Variants in SFMBT2 observed in about 807,000 individuals in gnomAD.
The protein encoded by SFMBT2 is scm-like with four MBT domains protein 2.
A neutral mutation model predicts 110.1 loss-of-function variants in SFMBT2; 38 were observed. The ratio of observed to expected loss-of-function variants is 0.35; its 90% CI spans 0.27 to 0.45. The LOEUF is 0.45. Ranked by LOEUF, SFMBT2 falls within the 20% of genes least tolerant of loss-of-function variation. The pLI is 1.00. For missense variants in SFMBT2, 1,011 were observed against 1,094.9 expected, an observed-to-expected ratio of 0.92 and a Z score of 1.08; for synonymous variants, 425 against 425.4, an observed-to-expected ratio of 1.00 and a Z score of 0.01.
chr10:7,394,001 AT>A (rs199724791), intron 1 of SFMBT2, among the ~76,000 whole-genome samples: 31 of 150,658 alleles, frequency 2.1e-4, no homozygotes, highest in African/African-American at 4.4e-4. Context: ...AAGTATTGTG[AT>A]TTTTTTTTTC....
chr10:7,303,102 C>T (rs1305316804), intron 4 of SFMBT2, among the ~76,000 whole-genome samples: 1 of 152,106 alleles, frequency 6.6e-6, no homozygotes, highest in Non-Finnish European at 1.5e-5. Context: ...AACCAGAATG[C>T]ATTTGGATTA....
intron 4 of SFMBT2, among the ~76,000 whole-genome samples, chr10:7,332,686 C>T (rs1469189452): frequency 6.6e-6 from 1 of 152,112 alleles, no homozygotes; most frequent in African/African-American, 2.4e-5. Context: ...TTCACTAAAA[C>T]CTAAATATTT....
chr10:7,302,494 T>C (rs1020334193), intron 4 of SFMBT2, among the ~76,000 whole-genome samples: 1 of 152,220 alleles, frequency 6.6e-6, no homozygotes, highest in Non-Finnish European at 1.5e-5. Flanking sequence ...CCTTGACCCT[T>C]GGCATAACCC....
chr10:7,160,969 C>T lies in SFMBT2; in HGVS notation c.*2801G>A, dbSNP rs2692759. ...GATGGCACAGAGACAACTTTCATGG[C>T]GACGCCAGGCTGCGCCCTCCTGTGC... On this transcript the variant is annotated 3_prime_UTR_variant, in exon 21 of 21. Coordinates refer to ENST00000397167, the MANE Select transcript of SFMBT2 (RefSeq NM_001387889.1). 8,723 of 152,272 alleles carry T rather than the reference C, an allele frequency of 0.057. 359 individuals carry two copies. The highest frequency in any genetic ancestry group is 0.1 in the East Asian group (531 of 5,154). 9.4% of individuals were successfully genotyped at this position (152,272 alleles called of 1,614,324 possible).
At chr10:7,257,539 A>G (rs1182360575) in intron 7 of SFMBT2, among the ~76,000 whole-genome samples, 1 of 152,208 alleles carries the variant, frequency 6.6e-6, no homozygotes, top group Admixed American at 6.5e-5. Flanking sequence ...TATAAAATAC[A>G]GTATACACGT....
intron 8 of SFMBT2, among the ~76,000 whole-genome samples, chr10:7,247,478 A>C (rs1211311162): frequency 6.6e-6 from 1 of 152,224 alleles, no homozygotes; most frequent in African/African-American, 2.4e-5. Context: ...TGTTCACTAA[A>C]GAAAAAACAT....
chr10:7,257,988 A>G (rs540491819), intron 7 of SFMBT2, among the ~76,000 whole-genome samples: 2 of 152,326 alleles, frequency 1.3e-5, no homozygotes, highest in South Asian at 4.1e-4. Flanking sequence ...CTGAAGTGCA[A>G]TGATGCAATC....
At chr10:7,203,454 C>T (rs939084887) in intron 12 of SFMBT2, 8 of 234,548 alleles carry the variant, frequency 3.4e-5, no homozygotes, top group Non-Finnish European at 5.6e-5. Context: ...AAGAGCCAAG[C>T]ACAACAGACA....
intron 4 of SFMBT2, among the ~76,000 whole-genome samples, chr10:7,320,948 C>A (rs7094711): frequency 0.042 from 6,365 of 152,198 alleles, 223 homozygotes; most frequent in African/African-American, 0.098. Flanking sequence ...TTAAATAAAT[C>A]GTCTAAAAAA....
chr10:7,366,559 A>G (rs894159002), intron 4 of SFMBT2, among the ~76,000 whole-genome samples: 1 of 152,200 alleles, frequency 6.6e-6, no homozygotes, highest in African/African-American at 2.4e-5. Context: ...CAAGATGAAA[A>G]CAGGCAGCTA....
intron 7 of SFMBT2, among the ~76,000 whole-genome samples, chr10:7,262,688 C>T (rs1015819058): frequency 6.6e-6 from 1 of 152,138 alleles, no homozygotes; most frequent in African/African-American, 2.4e-5. Flanking sequence ...GAGCTCAGGC[C>T]CCAGTGATCA....
chr10:7,207,593 A>G, intron 11 of SFMBT2: 1 of 983,692 alleles, frequency 1.0e-6, no homozygotes, highest in East Asian at 1.1e-4. Context: ...GAGCCCCATT[A>G]CCATCCAAGT....
At chr10:7,229,616 A>C (rs1183133664) in intron 9 of SFMBT2, among the ~76,000 whole-genome samples, 1 of 151,496 alleles carries the variant, frequency 6.6e-6, no homozygotes, top group Non-Finnish European at 1.5e-5. Context: ...AAAAGAAAGA[A>C]AGAAACTCAA....
At chr10:7,212,920 G>A (rs1361954914) in intron 11 of SFMBT2, among the ~76,000 whole-genome samples, 5 of 152,194 alleles carry the variant, frequency 3.3e-5, no homozygotes, top group Non-Finnish European at 7.3e-5. Flanking sequence ...ATGAGTTCAT[G>A]TCCTTTGCAG....
At chr10:7,187,307 CACT>C (rs1203687370) in intron 16 of SFMBT2, among the ~76,000 whole-genome samples, 3 of 152,264 alleles carry the variant, frequency 2.0e-5, no homozygotes, top group South Asian at 4.1e-4. Context: ...TTTCTGCCCC[CACT>C]ACTACTACAA....
At chr10:7,225,335 G>T (rs1839868189) in intron 10 of SFMBT2, among the ~76,000 whole-genome samples, 1 of 152,032 alleles carries the variant, frequency 6.6e-6, no homozygotes, top group Admixed American at 6.5e-5. Context: ...ACATCCCTGG[G>T]GAAATGTCTT....
intron 16 of SFMBT2, chr10:7,176,658 G>A (rs181007899): frequency 4.1e-5 from 10 of 245,166 alleles, no homozygotes; most frequent in East Asian, 3.6e-4. Context: ...AAATGGGGAC[G>A]ATTTCCATTA....
At position 7,181,815 on chromosome 10, in the gene SFMBT2, T is replaced by C. The variant is rs77479948; in HGVS notation, c.1809-5650A>G. ...CAAAGGCATGCTGAACATACGAAGA[T>C]ACAGCCCTATTAAAAAAAAAGGAGA... is the stretch of plus-strand genomic sequence containing the variant. On this transcript the variant is annotated intron_variant, in intron 16 of 20. Coordinates refer to ENST00000397167, the MANE Select transcript of SFMBT2 (RefSeq NM_001387889.1). Among the ~76,000 whole-genome samples the C allele has an allele frequency of 6.1e-3, 926 of 152,170 alleles. 6 individuals carry two copies. The highest frequency in any genetic ancestry group is 0.021 in the African/African-American group (889 of 41,500).
intron 7 of SFMBT2, chr10:7,249,403 G>T: frequency 1.8e-6 from 1 of 546,568 alleles, no homozygotes; most frequent in Non-Finnish European, 2.3e-6. Context: ...GCTGGACTCT[G>T]GATACCAGAA....
Sources: allele counts gnomAD v4.1 joint callset (sites outside exome capture counted in the v4.1 genomes callset), GRCh38; gene constraint gnomAD v4.1.1; transcripts MANE v1.5; gene names NCBI Gene and HGNC (gene_info 2026-07-23, HGNC 2026-07-21).